Variants in STXBP5L observed in about 807,000 individuals in gnomAD.
The protein encoded by STXBP5L is syntaxin-binding protein 5-like.
STXBP5L carries 65 observed loss-of-function variants against 144.5 expected under a neutral mutation model. The ratio of observed to expected loss-of-function variants is 0.45; its 90% confidence interval spans 0.37 to 0.55. STXBP5L has a LOEUF of 0.55. Ranked by LOEUF, STXBP5L falls within the 20% of genes least tolerant of loss-of-function variation. The probability of loss-of-function intolerance (pLI) is 0.00; values close to 1 mark genes in which losing one functional copy is unlikely to be tolerated. For missense variants in STXBP5L, 1,298 were observed against 1,405.5 expected, an observed-to-expected ratio of 0.92 and a Z score of 1.22; for synonymous variants, 505 against 469.6, an observed-to-expected ratio of 1.08 and a Z score of -0.97.
intron 5 of STXBP5L, among the ~76,000 whole-genome samples, chr3:121,105,840 G>T (rs1331512460): frequency 6.6e-6 from 1 of 152,030 alleles, no homozygotes; most frequent in Non-Finnish European, 1.5e-5. Flanking sequence ...TTAAATTCTG[G>T]TTGTAGTTTT....
At chr3:121,248,149 T>C (rs1347601758) in intron 14 of STXBP5L, among the ~76,000 whole-genome samples, 1 of 152,176 alleles carries the variant, frequency 6.6e-6, no homozygotes, top group East Asian at 1.9e-4. Context: ...CTACAATCTC[T>C]GTCTCCTGAG....
intron 22 of STXBP5L, among the ~76,000 whole-genome samples, chr3:121,391,046 A>C (rs2046571257): frequency 6.6e-6 from 1 of 151,692 alleles, no homozygotes. Flanking sequence ...TGGTATTTTC[A>C]CATAGTCCCA....
intron 20 of STXBP5L, among the ~76,000 whole-genome samples, chr3:121,343,404 T>C (rs1452884503): frequency 2.0e-5 from 3 of 152,218 alleles, no homozygotes; most frequent in African/African-American, 7.2e-5. Context: ...CCAGGGCAAT[T>C]AGGCAGGAGA....
intron 5 of STXBP5L, among the ~76,000 whole-genome samples, chr3:121,055,326 T>C (rs1948377869): frequency 6.6e-6 from 1 of 152,110 alleles, no homozygotes; most frequent in African/African-American, 2.4e-5. Context: ...ATATTAGCCG[T>C]TTAATTCTGT....
At chr3:121,040,813 G>T (rs541180609) in intron 3 of STXBP5L, among the ~76,000 whole-genome samples, 21 of 151,840 alleles carry the variant, frequency 1.4e-4, no homozygotes, top group Non-Finnish European at 1.8e-4. Context: ...TCTCTTTCAG[G>T]GATCATTGTC....
rs637292 is a variant in STXBP5L, at chr3:120,983,361, G to A, written c.287+28324G>A. 8.4e-3 allele frequency among the ~76,000 whole-genome samples: 1,280 copies of A among 152,252 alleles called. 14 individuals carry two copies. The highest frequency in any genetic ancestry group is 0.029 in the African/African-American group (1,212 of 41,558). On this transcript the variant is annotated intron_variant, in intron 3 of 26. Transcript: ENST00000471454. The stretch of plus-strand genomic sequence containing the variant: ...AAGTCAAGCAGTTATGGGGTGCTCA[G>A]TTTGCTCACTTCTCTGTCCCACAGC...
intron 5 of STXBP5L, among the ~76,000 whole-genome samples, chr3:121,075,688 AC>A (rs2041990291): frequency 1.3e-5 from 2 of 152,138 alleles, no homozygotes; most frequent in African/African-American, 4.8e-5. Flanking sequence ...GCTCTGGTGG[AC>A]CTCTGAGACC....
intron 5 of STXBP5L, among the ~76,000 whole-genome samples, chr3:121,066,151 C>T (rs981078113): frequency 1.3e-5 from 2 of 152,108 alleles, no homozygotes; most frequent in African/African-American, 4.8e-5. Context: ...AGGTGGGACT[C>T]ATGGAAACTA....
chr3:121,290,753 T>C (rs1422973641), intron 19 of STXBP5L, among the ~76,000 whole-genome samples: 3 of 152,122 alleles, frequency 2.0e-5, no homozygotes, highest in Admixed American at 1.3e-4. Context: ...TGGTTTAACA[T>C]ACACAAGTCA....
At position 121,186,824 on chromosome 3, in the gene STXBP5L, C is replaced by G. The variant is rs1406766418; in HGVS notation, c.878-19099C>G. 2.6e-5 allele frequency among the ~76,000 whole-genome samples: 4 copies of G among 152,300 alleles called. No homozygotes were observed. The East Asian group carries it at 5.8e-4, about 22-fold the overall frequency. ...AGACACATGAAAAAATGCTCATCAT[C>G]ACTGGCCATCAGGGAAATGCAAATC... On this transcript the variant is annotated intron_variant, in intron 9 of 26. Coordinates refer to ENST00000471454, the MANE Select transcript of STXBP5L (RefSeq NM_001308330.2).
intron 3 of STXBP5L, among the ~76,000 whole-genome samples, chr3:121,010,308 A>G (rs146088708): frequency 4.4e-4 from 67 of 151,956 alleles, no homozygotes; most frequent in Non-Finnish European, 7.5e-4. Context: ...CATCTTCTTC[A>G]AGAGGAATTG....
chr3:121,119,990 T>C (rs2044388638), intron 6 of STXBP5L, among the ~76,000 whole-genome samples: 1 of 151,344 alleles, frequency 6.6e-6, no homozygotes, highest in Non-Finnish European at 1.5e-5. Context: ...CAAATTTCTG[T>C]GATTTCATTA....
intron 2 of STXBP5L, among the ~76,000 whole-genome samples, chr3:120,916,347 C>G (rs966479598): frequency 1.3e-5 from 2 of 152,096 alleles, no homozygotes; most frequent in African/African-American, 4.8e-5. Flanking sequence ...GTTGCCCAGG[C>G]TGGAGTGCAA....
chr3:121,045,459 G>A lies in STXBP5L; in HGVS notation c.394G>A (p.Asp132Asn). Residue 132 changes from aspartate to asparagine, a missense_variant, in exon 5 of 27, where the codon GAT becomes AAT. Coordinates refer to ENST00000471454, the MANE Select transcript of STXBP5L (RefSeq NM_001308330.2). ...NEGALVSASS[D>N]DTLHLWNLRQ... ...GGGTGCCTTGGTCAGTGCAAGTTCA[G>A]ATGATACACTTCATTTGTGGAACCT... The A allele has an allele frequency of 6.2e-7, 1 of 1,613,048 alleles. No individual in the cohort carries two copies. The highest frequency in any genetic ancestry group is 8.5e-7 in the Non-Finnish European group (1 of 1,179,410).
chr3:121,401,899 A>G (rs915859712), intron 22 of STXBP5L, among the ~76,000 whole-genome samples: 1 of 150,874 alleles, frequency 6.6e-6, no homozygotes, highest in Non-Finnish European at 1.5e-5. Flanking sequence ...TATAATAAAA[A>G]AAAAAAAAAA....
At chr3:120,945,305 A>T (rs1161177222) in intron 2 of STXBP5L, among the ~76,000 whole-genome samples, 1 of 151,772 alleles carries the variant, frequency 6.6e-6, no homozygotes, top group Non-Finnish European at 1.5e-5. Context: ...CAAATCTTCT[A>T]CCTAGAATAA....
chr3:120,909,803 T>G, intron 2 of STXBP5L, 36 bp downstream of exon 2: 1 of 1,576,000 alleles, frequency 6.3e-7, no homozygotes, highest in East Asian at 2.3e-5. Context: ...TATTATTTCT[T>G]TATTATACTG....
At chr3:121,013,477 G>C (rs958362480) in intron 3 of STXBP5L, among the ~76,000 whole-genome samples, 2 of 151,786 alleles carry the variant, frequency 1.3e-5, no homozygotes, top group Admixed American at 1.3e-4. Flanking sequence ...TGTTTGTTGG[G>C]TGCTTGTATG....
intron 11 of STXBP5L, among the ~76,000 whole-genome samples, chr3:121,223,848 C>A (rs1280495668): frequency 6.6e-6 from 1 of 151,994 alleles, no homozygotes; most frequent in Non-Finnish European, 1.5e-5. Flanking sequence ...GTAATCCCAG[C>A]ACTTTGAGAG....
Sources: gnomAD v4.1 joint callset for allele counts (sites outside exome capture counted in the v4.1 genomes callset) on GRCh38, gnomAD v4.1.1 for gene constraint, MANE v1.5 for transcripts, NCBI Gene and HGNC (gene_info 2026-07-23, HGNC 2026-07-21) for gene names.